Variants in ELAC2 observed in about 807,000 individuals in gnomAD.
ELAC2 encodes elaC ribonuclease Z 2.
Under a neutral mutation model 105.2 loss-of-function variants are expected in ELAC2, and 92 were observed. That is an observed-to-expected ratio of 0.87 (90% CI 0.74 to 1.04). The LOEUF (loss-of-function observed/expected upper bound fraction) is 1.04. Ranked by LOEUF, ELAC2 falls within the 50% of genes least tolerant of loss-of-function variation. The pLI, the probability that ELAC2 is intolerant of heterozygous loss-of-function variation, is 0.00. For synonymous variants in ELAC2, 468 were observed against 409.1 expected, an observed-to-expected ratio of 1.14 and a Z score of -1.74; for missense variants, 1,099 against 1,071.7, an observed-to-expected ratio of 1.03 and a Z score of -0.36.
Position 12,994,518 on chromosome 17 carries a change from C to G in ELAC2, c.2030-15G>C. ...GGCATCTTTCCCTGGAGAAGCAGCA[C>G]AAGGATCAGGGCAGAGTTCTCTGCG... is the stretch of plus-strand genomic sequence containing the variant. On this transcript the variant is annotated splice_polypyrimidine_tract_variant and intron_variant, in intron 21 of 23. Transcript: ENST00000338034. 1.2e-6 allele frequency: 2 copies of G among 1,614,170 alleles called. No individual in the cohort carries two copies. Among genetic ancestry groups the G allele is most frequent in the African/African-American group, 1.3e-5 (1 of 75,044 alleles).
Position 12,995,944 on chromosome 17 carries a change from G to A in ELAC2, c.1694C>T (p.Ala565Val). 1 of 1,595,956 alleles carries A rather than the reference G, an allele frequency of 6.3e-7. No individual in the cohort carries two copies. The highest frequency in any genetic ancestry group is 8.5e-7 in the Non-Finnish European group (1 of 1,169,890). ...LPSILLQRER[A>V]LASLGKPLHP... Reference sequence around the variant, plus strand: ...CCCATCAAGTGCCACACTTACCAAGGCGCGTTCTCTCTGCAGCAAGATACT... The same window carrying A: ...CCCATCAAGTGCCACACTTACCAAGACGCGTTCTCTCTGCAGCAAGATACT... The change falls in exon 18 of 24, where the codon GCC (alanine) becomes GTC (valine). Residue 565 changes from alanine (A) to valine (V), a missense_variant. Coordinates refer to ENST00000338034, the MANE Select transcript of ELAC2 (RefSeq NM_018127.7).
At chr17:13,017,606 T>G (rs2041817242) in intron 1 of ELAC2, 97 bp downstream of exon 1, 1 of 1,587,660 alleles carries the variant, frequency 6.3e-7, no homozygotes, top group African/African-American at 1.3e-5. Flanking sequence ...ACCACATGTG[T>G]GAAGCAGGGA....
chr17:13,006,994 G>A (rs9906972), intron 8 of ELAC2, among the ~76,000 whole-genome samples: 1,716 of 151,954 alleles, frequency 0.011, 36 homozygotes, highest in African/African-American at 0.039. Flanking sequence ...GGTGACGTGC[G>A]CCTGTAGTCC....
chr17:13,017,748 C>A lies in ELAC2; in HGVS notation c.200G>T (p.Ser67Ile), dbSNP rs1386145788. The change falls in exon 1 of 24, where the codon AGC becomes ATC. Residue 67 changes from serine to isoleucine, a missense_variant. Coordinates refer to ENST00000338034, the MANE Select transcript of ELAC2 (RefSeq NM_018127.7). ...TVYLQVVAAG[S>I]RDSGAALYVF... Reference sequence around the variant, plus strand: ...GTAGAGCGCGGCGCCCGAGTCCCGGCTACCCGCTGCCACCACCTGCAGGTA... The same window carrying A: ...GTAGAGCGCGGCGCCCGAGTCCCGGATACCCGCTGCCACCACCTGCAGGTA... The A allele has an allele frequency of 3.1e-6, 5 of 1,611,486 alleles. No individual in the cohort carries two copies. The highest frequency in any genetic ancestry group is 4.2e-6 in the Non-Finnish European group (5 of 1,179,458).
At chr17:13,013,562 C>A (rs976263767) in intron 5 of ELAC2, among the ~76,000 whole-genome samples, 1 of 152,122 alleles carries the variant, frequency 6.6e-6, no homozygotes, top group Non-Finnish European at 1.5e-5. Flanking sequence ...CTTTCAGAGA[C>A]CCAAGTTAAC....
intron 8 of ELAC2, among the ~76,000 whole-genome samples, chr17:13,009,038 C>G (rs1386780114): frequency 6.6e-6 from 1 of 152,120 alleles, no homozygotes; most frequent in South Asian, 2.1e-4. Context: ...CCATAGAAAA[C>G]AGTTTAAAAA....
At chr17:13,001,513 A>AAAT (rs1485201278) in intron 14 of ELAC2, among the ~76,000 whole-genome samples, 1 of 151,670 alleles carries the variant, frequency 6.6e-6, no homozygotes, top group African/African-American at 2.4e-5. Flanking sequence ...ATAAATAAAT[A>AAAT]AAATAAATAA....
chr17:13,002,245 C>G lies in ELAC2; in HGVS notation c.1304+29G>C, dbSNP rs374094565. Reference sequence around the variant, plus strand: ...GAAATGTTTCCCAACTCGACTGAGACGATTCCATTAGTTCAAGATGGCACA... The same window carrying G: ...GAAATGTTTCCCAACTCGACTGAGAGGATTCCATTAGTTCAAGATGGCACA... On this transcript the variant is annotated intron_variant, in intron 14 of 23. Coordinates refer to ENST00000338034, the MANE Select transcript of ELAC2 (RefSeq NM_018127.7). The G allele has an allele frequency of 3.1e-6, 5 of 1,611,960 alleles. No homozygotes were observed. In the East Asian group the frequency reaches 8.9e-5, roughly 29 times the overall value.
At chr17:13,000,726 G>A (rs1201319877) in intron 14 of ELAC2, 5 of 222,820 alleles carry the variant, frequency 2.2e-5, no homozygotes, top group Non-Finnish European at 3.6e-5. Flanking sequence ...TTGGCAAAAC[G>A]CAGAAGCCAG....
At chr17:13,017,013 A>G in intron 2 of ELAC2, 58 bp downstream of exon 2, 4 of 1,612,804 alleles carry the variant, frequency 2.5e-6, no homozygotes, top group Non-Finnish European at 2.5e-6. Flanking sequence ...CTGGCCTCTC[A>G]TTTCGGCTTT....
chr17:13,017,780 G>C lies in ELAC2; in HGVS notation c.168C>G (p.Asn56Lys). 1.2e-6 allele frequency: 2 copies of C among 1,610,218 alleles called. No individual in the cohort carries two copies. The highest frequency in any genetic ancestry group is 1.7e-6 in the Non-Finnish European group (2 of 1,178,782). Residue 56 changes from asparagine to lysine, a missense_variant, in exon 1 of 24, where the codon AAC becomes AAG. Transcript: ENST00000338034. ...CTGCCACCACCTGCAGGTACACGGTGTTTGGGCCGCCGGAGCACCCCGACG... is the reference window on the plus strand; with the variant it reads ...CTGCCACCACCTGCAGGTACACGGTCTTTGGGCCGCCGGAGCACCCCGACG... ...RGPSGCSGGP[N>K]TVYLQVVAAG...
intron 16 of ELAC2, among the ~76,000 whole-genome samples, chr17:12,997,793 T>G (rs947990511): frequency 5.9e-5 from 9 of 152,228 alleles, no homozygotes; most frequent in African/African-American, 2.2e-4. Flanking sequence ...CTTCACATAC[T>G]ATCTGTAGAG....
chr17:13,001,824 T>G (rs1454706194), intron 14 of ELAC2, among the ~76,000 whole-genome samples: 1 of 152,188 alleles, frequency 6.6e-6, no homozygotes, highest in Non-Finnish European at 1.5e-5. Flanking sequence ...TTAAGACTGT[T>G]TAGTGATACA....
rs2041359395 is a variant in ELAC2, at chr17:13,010,523, T to A, written c.738+90A>T. ...CTCTTCTTGTCTCAGGTAACAGGAG[T>A]GCCTACCCTCAAATTAATGAAAAAG... On this transcript the variant is annotated intron_variant, in intron 8 of 23. Transcript: ENST00000338034. 3 of 1,181,810 alleles carry A rather than the reference T, an allele frequency of 2.5e-6. No individual in the cohort carries two copies. In the East Asian group the frequency reaches 7.2e-5, roughly 28 times the overall value. 73.2% of individuals were successfully genotyped at this position (1,181,810 alleles called of 1,614,324 possible). A position where few individuals can be genotyped will look rare whatever the true frequency, so the allele number is the denominator to read the frequency against.
rs556486507 is a variant in ELAC2 at position 13,006,069 on chromosome 17, T to TA, written c.739-91dup. The TA allele has an allele frequency of 5.0e-4, 658 of 1,319,540 alleles. 2 individuals are homozygous for TA. Among genetic ancestry groups the TA allele is most frequent in the South Asian group, 3.3e-3 (281 of 84,496 alleles). The allele number at this position is 1,319,540 out of a possible 1,614,324, so 81.7% of individuals were successfully genotyped here. On this transcript the variant is annotated intron_variant, in intron 8 of 23. Transcript: ENST00000338034. ...TTCTTAGAAGTGTATTTTTCTAGAT[T>TA]AAAAAAAAATAATAATGTTGGCCAG...
rs1478723574 is a variant in ELAC2 at position 12,991,813 on chromosome 17, G to C, written c.*1005C>G. On this transcript the variant is annotated 3_prime_UTR_variant, in exon 24 of 24. Coordinates refer to ENST00000338034, the MANE Select transcript of ELAC2 (RefSeq NM_018127.7). The stretch of plus-strand genomic sequence containing the variant: ...AAAGCTCTTCTTTTTACATTCTCCT[G>C]GGTAGGGAATATACACAATAAATAC... Among the ~76,000 whole-genome samples the C allele has an allele frequency of 6.6e-6, 1 of 151,848 alleles. No individual in the cohort carries two copies. The highest frequency in any genetic ancestry group is 1.5e-5 in the Non-Finnish European group (1 of 67,968).
rs1014114587 is a variant in ELAC2 at position 12,992,210 on chromosome 17, G to A, written c.*608C>T. Among the ~76,000 whole-genome samples, 1 of 152,088 alleles carries A rather than the reference G, an allele frequency of 6.6e-6. No homozygotes were observed. Among genetic ancestry groups the A allele is most frequent in the Non-Finnish European group, 1.5e-5 (1 of 68,044 alleles). On this transcript the variant is annotated 3_prime_UTR_variant, in exon 24 of 24. Transcript: ENST00000338034. ...GCTCGAGTTGTCAAAAAGACTTGGC[G>A]AATAAGGGTGGCTCTCTGAGGACAG...
intron 23 of ELAC2, 62 bp from the exon 24 acceptor site, chr17:12,993,107 T>G: frequency 6.6e-7 from 1 of 1,521,758 alleles, no homozygotes; most frequent in Non-Finnish European, 9.0e-7. Flanking sequence ...GGACAGGAGC[T>G]GGAAGGGATG....
chr17:13,017,209 GAAA>G, intron 1 of ELAC2, 88 bp from the exon 2 acceptor site: 3 of 949,908 alleles, frequency 3.2e-6, no homozygotes, highest in Non-Finnish European at 3.1e-6. Flanking sequence ...GTAGACTCTG[GAAA>G]AAAAAAAAAG....
Sources: allele counts gnomAD v4.1 joint callset (sites outside exome capture counted in the v4.1 genomes callset), GRCh38; gene constraint gnomAD v4.1.1; transcripts MANE v1.5; gene names NCBI Gene and HGNC (gene_info 2026-07-23, HGNC 2026-07-21).